Variants in ATP2C1 observed in about 807,000 individuals in gnomAD.
The protein encoded by ATP2C1 is ATPase secretory pathway Ca2+ transporting 1.
Under a neutral mutation model 120.5 loss-of-function variants are expected in ATP2C1, and 31 were observed. The observed-to-expected ratio is 0.26, with a 90% CI of 0.19 to 0.35. The LOEUF (loss-of-function observed/expected upper bound fraction) is 0.35, where lower values mean the gene tolerates loss of function less well. Ranked by LOEUF, ATP2C1 falls within the 10% of genes least tolerant of loss-of-function variation. ATP2C1 has a pLI of 1.00. For synonymous variants in ATP2C1, 351 were observed against 358.7 expected (o/e 0.98, Z 0.24); for missense variants, 731 against 1,107.5 (o/e 0.66, Z 4.83).
chr3:130,977,980 A>T (rs578185202), intron 18 of ATP2C1, among the ~76,000 whole-genome samples: 3 of 152,320 alleles, frequency 2.0e-5, no homozygotes, highest in African/African-American at 7.2e-5. Flanking sequence ...CTTGACTCAG[A>T]GAGTAGCAGC....
chr3:130,999,802 G>T lies in ATP2C1; in HGVS notation c.2629+143G>T, dbSNP rs1363630839. ...AAAAAGGAGTCTATTTTTTCACTTG[G>T]GGAAGCTCAGGGGAATTACTCTCCT... On this transcript the variant is annotated intron_variant, in intron 27 of 27. Transcript: ENST00000510168. 7 of 798,854 alleles carry T rather than the reference G, an allele frequency of 8.8e-6. No individual in the cohort carries two copies. The Admixed American group carries it at 1.8e-4, about 21-fold the overall frequency. The allele number at this position is 798,854 out of a possible 1,614,324, so 49.5% of individuals were successfully genotyped here.
At chr3:130,914,428 TA>T (rs1414592778) in intron 2 of ATP2C1, 2 of 152,168 alleles carry the variant, frequency 1.3e-5, no homozygotes, top group Non-Finnish European at 2.9e-5. Flanking sequence ...TCAGTTGAGA[TA>T]ACTCAACTGC....
intron 2 of ATP2C1, among the ~76,000 whole-genome samples, chr3:130,904,374 T>C (rs2058029011): frequency 1.3e-5 from 2 of 152,010 alleles, no homozygotes; most frequent in Non-Finnish European, 2.9e-5. Flanking sequence ...TTTATAAATG[T>C]TACTGACACT....
chr3:130,974,509 G>A (rs1274341376), intron 17 of ATP2C1, among the ~76,000 whole-genome samples: 1 of 152,202 alleles, frequency 6.6e-6, no homozygotes, highest in Non-Finnish European at 1.5e-5. Context: ...GAGTGAGGAC[G>A]GCAATAGGGA....
At chr3:130,960,424 A>G (rs2060768728) in intron 12 of ATP2C1, among the ~76,000 whole-genome samples, 1 of 152,146 alleles carries the variant, frequency 6.6e-6, no homozygotes, top group African/African-American at 2.4e-5. Flanking sequence ...TGAAACATGC[A>G]TTTCCAGATG....
At chr3:130,864,051 CAGA>C (rs1167585453) in intron 1 of ATP2C1, among the ~76,000 whole-genome samples, 1 of 152,146 alleles carries the variant, frequency 6.6e-6, no homozygotes, top group Non-Finnish European at 1.5e-5. Context: ...TTGGAGGGTT[CAGA>C]AGAAGACAGG....
chr3:130,988,073 C>A (rs1238139462), intron 20 of ATP2C1, among the ~76,000 whole-genome samples: 1 of 152,176 alleles, frequency 6.6e-6, no homozygotes, highest in Admixed American at 6.5e-5. Context: ...ACCAAGTCCC[C>A]ATATTATTAT....
At chr3:130,886,034 G>T (rs549110487) in intron 1 of ATP2C1, among the ~76,000 whole-genome samples, 3 of 152,284 alleles carry the variant, frequency 2.0e-5, no homozygotes, top group African/African-American at 7.2e-5. Flanking sequence ...TAGCATTGAT[G>T]AAATCCCTCA....
At chr3:130,972,299 G>T (rs753499730) in intron 17 of ATP2C1, among the ~76,000 whole-genome samples, 10 of 152,052 alleles carry the variant, frequency 6.6e-5, no homozygotes, top group Non-Finnish European at 1.3e-4. Context: ...CTGGTCCACT[G>T]CCTGGGAGTT....
At chr3:130,926,405 T>C (rs1216572554) in intron 2 of ATP2C1, among the ~76,000 whole-genome samples, 1 of 152,228 alleles carries the variant, frequency 6.6e-6, no homozygotes. Flanking sequence ...GATAAAGGTT[T>C]TCAAAAAGTA....
intron 2 of ATP2C1, chr3:130,930,158 G>C: frequency 6.6e-6 from 3 of 455,556 alleles, no homozygotes; most frequent in South Asian, 6.1e-5. Flanking sequence ...TGGAGAAATA[G>C]CGTGCTTTTC....
chr3:130,880,198 C>T (rs564916227), intron 1 of ATP2C1, among the ~76,000 whole-genome samples: 2 of 152,294 alleles, frequency 1.3e-5, no homozygotes, highest in South Asian at 4.1e-4. Flanking sequence ...TGTAAGCCTC[C>T]TGTTAAATAT....
chr3:130,967,319 A>ATTT lies in ATP2C1; in HGVS notation c.1219-8_1219-6dup. On this transcript the variant is annotated splice_polypyrimidine_tract_variant and intron_variant, in intron 15 of 27. Coordinates refer to ENST00000510168, the MANE Select transcript of ATP2C1 (RefSeq NM_001378687.1). Reference sequence around the variant, plus strand: ...AGTGATAGGTTCATAGTTTATGTGTATTTTTCTTAGGCGGGCTGTGTGTGC... The same window carrying ATTT: ...AGTGATAGGTTCATAGTTTATGTGTATTTTTTTTCTTAGGCGGGCTGTGTGTGC... 6.2e-7 allele frequency: 1 copy of ATTT among 1,613,466 alleles called. No homozygotes were observed. The highest frequency in any genetic ancestry group is 8.5e-7 in the Non-Finnish European group (1 of 1,179,628).
In ATP2C1 at chr3:130,986,697, G is replaced by T. The variant is rs184569764; in HGVS notation, c.1839+6018G>T. Among the ~76,000 whole-genome samples, 1,422 of 152,174 alleles carry T rather than the reference G, an allele frequency of 9.3e-3. 23 individuals are homozygous for T. Among genetic ancestry groups the T allele is most frequent in the Non-Finnish European group, 9.4e-3 (641 of 67,998 alleles). On this transcript the variant is annotated intron_variant, in intron 20 of 27. Coordinates refer to ENST00000510168, the MANE Select transcript of ATP2C1 (RefSeq NM_001378687.1). ...ACTAGCCCTGCCTCCCAGGTATTTT[G>T]TATCTTTTGAATACCTAAGTCTTTT...
intron 20 of ATP2C1, among the ~76,000 whole-genome samples, chr3:130,992,409 G>A (rs1560024060): frequency 6.6e-6 from 1 of 152,194 alleles, no homozygotes; most frequent in African/African-American, 2.4e-5. Flanking sequence ...CAGAAAAAAG[G>A]ATTAAATATT....
intron 8 of ATP2C1, among the ~76,000 whole-genome samples, chr3:130,948,829 G>A (rs765907598): frequency 6.6e-5 from 10 of 151,966 alleles, no homozygotes; most frequent in Admixed American, 2.6e-4. Flanking sequence ...ACAGTATTTC[G>A]AACTTTTTCA....
At chr3:130,951,687 G>A (rs2060374162) in intron 8 of ATP2C1, among the ~76,000 whole-genome samples, 2 of 152,044 alleles carry the variant, frequency 1.3e-5, no homozygotes, top group South Asian at 4.1e-4. Context: ...ATCTTCAGTT[G>A]CGTTAAGGTA....
intron 2 of ATP2C1, among the ~76,000 whole-genome samples, chr3:130,923,322 G>A (rs1379525736): frequency 6.6e-6 from 1 of 151,804 alleles, no homozygotes; most frequent in African/African-American, 2.4e-5. Context: ...TGCCTCCCAG[G>A]TTCAAGCAAT....
chr3:130,983,621 G>T (rs544476241), intron 20 of ATP2C1, among the ~76,000 whole-genome samples: 1 of 152,314 alleles, frequency 6.6e-6, no homozygotes, highest in South Asian at 2.1e-4. Flanking sequence ...ATTTCATACA[G>T]GGTAGTTTCA....
Sources: gnomAD v4.1 joint callset for allele counts (sites outside exome capture counted in the v4.1 genomes callset) on GRCh38, gnomAD v4.1.1 for gene constraint, MANE v1.5 for transcripts, NCBI Gene and HGNC (gene_info 2026-07-23, HGNC 2026-07-21) for gene names.